TSPAN15: variants seen among roughly 807,000 people sequenced by gnomAD.
The protein encoded by TSPAN15 is tetraspanin-15.
TSPAN15 carries 20 observed loss-of-function variants against 34.5 expected under a neutral mutation model. That is an observed-to-expected ratio of 0.58 (90% CI 0.41 to 0.84). The LOEUF (loss-of-function observed/expected upper bound fraction) is 0.84, where lower values mean the gene tolerates loss of function less well. Among genes scored for constraint, TSPAN15 ranks in the 40% least tolerant of loss-of-function variants. The probability of loss-of-function intolerance (pLI) is 0.00; values close to 1 mark genes in which losing one functional copy is unlikely to be tolerated. For missense variants in TSPAN15, 313 were observed against 386.1 expected, an observed-to-expected ratio of 0.81 and a Z score of 1.59; for synonymous variants, 155 against 153.9, an observed-to-expected ratio of 1.01 and a Z score of -0.05.
chr10:69,490,494 G>A (rs2133126953), intron 3 of TSPAN15, among the ~76,000 whole-genome samples: 1 of 152,346 alleles, frequency 6.6e-6, no homozygotes, highest in East Asian at 1.9e-4. Context: ...GCCAAGGCAG[G>A]TGGATCATTT....
At chr10:69,546,012 A>G in the TSPAN15 span, among the ~76,000 whole-genome samples, 4 of 151,942 alleles carry the variant, frequency 2.6e-5, no homozygotes, top group Admixed American at 6.6e-5. Context: ...AAAAAACCAA[A>G]CAAACAAAAA....
At position 69,489,398 on chromosome 10, in the gene TSPAN15, G is replaced by A. The variant is rs142248245; in HGVS notation, c.357+4183G>A. Among the ~76,000 whole-genome samples the A allele has an allele frequency of 7.0e-4, 107 of 152,270 alleles. 1 individual carries two copies. The East Asian group carries it at 0.015, about 22-fold the overall frequency. On this transcript the variant is annotated intron_variant, in intron 3 of 7. Transcript: ENST00000373290. ...AGTTAACACAATTATCGTAGTGGCC[G>A]TAAGGTGACATACATCCCCAGCTTA... is the stretch of plus-strand genomic sequence containing the variant.
chr10:69,467,257 C>T (rs1044328462), intron 1 of TSPAN15, among the ~76,000 whole-genome samples: 1 of 152,124 alleles, frequency 6.6e-6, no homozygotes. Flanking sequence ...TAGGTAGGTT[C>T]CCATTACAGC....
chr10:69,512,754 A>G, the TSPAN15 span, among the ~76,000 whole-genome samples: 1 of 152,214 alleles, frequency 6.6e-6, no homozygotes, highest in Non-Finnish European at 1.5e-5. Context: ...ATTTTGTAGC[A>G]TATATCAGAA....
intron 1 of TSPAN15, among the ~76,000 whole-genome samples, chr10:69,459,800 G>A (rs1230020938): frequency 2.4e-5 from 3 of 125,584 alleles, no homozygotes; most frequent in Non-Finnish European, 5.6e-5. Context: ...CTGAGCCTCC[G>A]AGATGCCTCC....
rs75560549 is a variant in TSPAN15, at chr10:69,459,067, C to G, written c.96+7377C>G. Among the ~76,000 whole-genome samples the G allele has an allele frequency of 5.7e-4, 78 of 137,236 alleles. No homozygotes were observed. The East Asian group carries it at 0.015, about 26-fold the overall frequency. 90.0% of individuals were successfully genotyped at this position (137,236 alleles called of 152,430 possible). A position where few individuals can be genotyped will look rare whatever the true frequency, so the allele number is the denominator to read the frequency against. On this transcript the variant is annotated intron_variant, in intron 1 of 7. Coordinates refer to ENST00000373290, the MANE Select transcript of TSPAN15 (RefSeq NM_012339.5). ...GGGGAAAGATGTTTTCTGGGTAAGT[C>G]TGGTCAGAAGAGGTTGATGGGGGGA...
chr10:69,484,195 A>G, intron 2 of TSPAN15: 1 of 237,008 alleles, frequency 4.2e-6, no homozygotes, highest in Admixed American at 5.0e-5. Context: ...TCATTAGCTC[A>G]TGCAACCAGC....
intron 4 of TSPAN15, 77 bp from the exon 5 acceptor site, chr10:69,498,203 T>C: frequency 7.4e-7 from 1 of 1,345,664 alleles, no homozygotes; most frequent in Non-Finnish European, 1.1e-6. Flanking sequence ...CTCCGTCTCC[T>C]GACAGGGCCC....
intron 1 of TSPAN15, among the ~76,000 whole-genome samples, chr10:69,483,326 T>C (rs1249792978): frequency 6.6e-6 from 1 of 152,144 alleles, no homozygotes; most frequent in Non-Finnish European, 1.5e-5. Flanking sequence ...CTCTGGCTTG[T>C]AGACGCTGCC....
the TSPAN15 span, among the ~76,000 whole-genome samples, chr10:69,536,756 G>T: frequency 6.6e-6 from 1 of 152,032 alleles, no homozygotes; most frequent in Non-Finnish European, 1.5e-5. Context: ...AGGACGAGGC[G>T]GGTGGATCAC....
At chr10:69,458,332 GC>G (rs1212730182) in intron 1 of TSPAN15, among the ~76,000 whole-genome samples, 5 of 152,210 alleles carry the variant, frequency 3.3e-5, no homozygotes, top group African/African-American at 1.2e-4. Flanking sequence ...AAAGATTCAA[GC>G]CATTTGGGAA....
intron 1 of TSPAN15, among the ~76,000 whole-genome samples, chr10:69,459,104 A>C (rs10823380): frequency 0.42 from 56,391 of 134,572 alleles, 11,793 homozygotes; most frequent in Non-Finnish European, 0.48. Context: ...AACAAAACAG[A>C]CAAAAAAAAA....
At chr10:69,538,411 T>C in the TSPAN15 span, among the ~76,000 whole-genome samples, 5 of 151,694 alleles carry the variant, frequency 3.3e-5, no homozygotes, top group African/African-American at 1.2e-4. Context: ...GAGCAGGAGG[T>C]TTGTTTGAAG....
chr10:69,490,063 C>T (rs1841936708), intron 3 of TSPAN15, among the ~76,000 whole-genome samples: 1 of 152,146 alleles, frequency 6.6e-6, no homozygotes, highest in South Asian at 2.1e-4. Context: ...CATCCCAGGC[C>T]TCCTCTCTCT....
At chr10:69,545,452 T>G in the TSPAN15 span, among the ~76,000 whole-genome samples, 1 of 152,004 alleles carries the variant, frequency 6.6e-6, no homozygotes. Flanking sequence ...ACCGGTCAAG[T>G]CAGATGCCTG....
At chr10:69,508,456 AAAAAAAAAAAAAAAG>A (rs1192272030), downstream of TSPAN15, among the ~76,000 whole-genome samples, 94 of 145,422 alleles carry the variant, frequency 6.5e-4, no homozygotes, top group African/African-American at 2.0e-3. Context: ...AAAAAAAAAA[AAAAAAAAAAAAAAAG>A]AAGAAGAAAT....
At chr10:69,533,753 AGG>A in the TSPAN15 span, among the ~76,000 whole-genome samples, 159 of 152,362 alleles carry the variant, frequency 1.0e-3, no homozygotes, top group Non-Finnish European at 1.7e-3. Flanking sequence ...TCAGAAGCAC[AGG>A]TAAAACAACC....
the TSPAN15 span, among the ~76,000 whole-genome samples, chr10:69,516,146 G>A: frequency 4.6e-5 from 7 of 152,306 alleles, no homozygotes; most frequent in Admixed American, 2.6e-4. Context: ...ACTCTCATTC[G>A]GTCACTATGT....
At chr10:69,476,903 T>G (rs547016279) in intron 1 of TSPAN15, among the ~76,000 whole-genome samples, 61 of 151,888 alleles carry the variant, frequency 4.0e-4, no homozygotes, top group Admixed American at 3.2e-3. Context: ...GTCCTGGAGG[T>G]GGGGCCGGTG....
Sources: gnomAD v4.1 joint callset for allele counts (sites outside exome capture counted in the v4.1 genomes callset) on GRCh38, gnomAD v4.1.1 for gene constraint, MANE v1.5 for transcripts, NCBI Gene and HGNC (gene_info 2026-07-23, HGNC 2026-07-21) for gene names.